The following EPHA6 variants were observed in gnomAD, a reference collection of about 807,000 sequenced individuals.
EPHA6 encodes EPH receptor A6.
In EPHA6, 50 loss-of-function variants were observed where a neutral mutation model predicts 112.0. That is an observed-to-expected ratio of 0.45 (90% CI 0.36 to 0.56). The LOEUF is 0.56. EPHA6 is among the 20% of genes least tolerant of loss of function. EPHA6 has a pLI of 0.00. For synonymous variants in EPHA6, 529 were observed against 490.7 expected, an observed-to-expected ratio of 1.08 and a Z score of -1.03; for missense variants, 1,280 against 1,417.4, an observed-to-expected ratio of 0.90 and a Z score of 1.56.
intron 13 of EPHA6, among the ~76,000 whole-genome samples, chr3:97,621,503 C>A (rs148137381): frequency 6.6e-6 from 1 of 151,934 alleles, no homozygotes; most frequent in East Asian, 1.9e-4. Context: ...GTGGAAAAAT[C>A]TTGGCTAAAG....
chr3:97,694,278 G>A (rs566816675), intron 14 of EPHA6, among the ~76,000 whole-genome samples: 26 of 150,588 alleles, frequency 1.7e-4, no homozygotes, highest in Admixed American at 1.1e-3. Flanking sequence ...AGTTGTTGGC[G>A]TGGGCTGGAA....
chr3:96,969,417 C>T (rs146911101), intron 2 of EPHA6, among the ~76,000 whole-genome samples: 1 of 151,840 alleles, frequency 6.6e-6, no homozygotes. Flanking sequence ...ATTCTGATGT[C>T]AAGCAAGCTT....
At chr3:97,205,431 T>A (rs2077690280) in intron 3 of EPHA6, among the ~76,000 whole-genome samples, 1 of 152,014 alleles carries the variant, frequency 6.6e-6, no homozygotes, top group Non-Finnish European at 1.5e-5. Flanking sequence ...TTTTGGGAAA[T>A]GGCAATTCAT....
intron 13 of EPHA6, among the ~76,000 whole-genome samples, chr3:97,616,078 G>T (rs145200273): frequency 6.6e-6 from 1 of 152,090 alleles, no homozygotes; most frequent in Non-Finnish European, 1.5e-5. Context: ...GTTGGAACTG[G>T]CAACAGATCC....
At position 97,012,626 on chromosome 3, in the gene EPHA6, T is replaced by TGTA. The variant is rs537562009; in HGVS notation, c.1114+24633_1114+24634insGTA. 4.2e-3 allele frequency among the ~76,000 whole-genome samples: 519 copies of TGTA among 124,322 alleles called. 6 individuals carry two copies. The highest frequency in any genetic ancestry group is 0.019 in the African/African-American group (484 of 26,020). 81.6% of individuals were successfully genotyped at this position (124,322 alleles called of 152,430 possible). A position where few individuals can be genotyped will look rare whatever the true frequency, so the allele number is the denominator to read the frequency against. On this transcript the variant is annotated intron_variant, in intron 3 of 17. Transcript: ENST00000389672. ...GTGTGTGTATATATATATATATGTA[T>TGTA]TTTTTTTTTTTTTTAAAGAAACTGG...
At chr3:97,372,806 T>C (rs2085137039) in intron 5 of EPHA6, among the ~76,000 whole-genome samples, 1 of 152,152 alleles carries the variant, frequency 6.6e-6, no homozygotes, top group Admixed American at 6.6e-5. Flanking sequence ...GTTTAAGTGA[T>C]CTATCTGTAC....
chr3:97,081,489 A>G (rs1369780391), intron 3 of EPHA6, among the ~76,000 whole-genome samples: 3 of 151,902 alleles, frequency 2.0e-5, no homozygotes, highest in Non-Finnish European at 4.4e-5. Context: ...GTTTATCTCT[A>G]TTAAACTAAT....
At chr3:97,122,791 A>T (rs1380021822) in intron 3 of EPHA6, among the ~76,000 whole-genome samples, 1 of 152,034 alleles carries the variant, frequency 6.6e-6, no homozygotes, top group East Asian at 1.9e-4. Flanking sequence ...CCATAACCTA[A>T]TTATATGATT....
chr3:97,407,712 C>A (rs1469711858), intron 6 of EPHA6, among the ~76,000 whole-genome samples: 1 of 151,870 alleles, frequency 6.6e-6, no homozygotes. Flanking sequence ...AGAAAAGTTA[C>A]AAAACTTTTT....
At chr3:97,550,112 G>A (rs1028364250) in intron 11 of EPHA6, among the ~76,000 whole-genome samples, 7 of 152,180 alleles carry the variant, frequency 4.6e-5, no homozygotes, top group Non-Finnish European at 8.8e-5. Context: ...ATCTGTAGGA[G>A]GCCAAGTCAA....
Position 97,565,921 on chromosome 3 carries a change from G to A in EPHA6, c.2387-26691G>A, listed in dbSNP as rs548675730. ...AGTCCCAGCTACATGGGAGGCTGAG[G>A]CAGGAGAATTGCTTGAACTCGGGAG... On this transcript the variant is annotated intron_variant, in intron 11 of 17. Coordinates refer to ENST00000389672, the MANE Select transcript of EPHA6 (RefSeq NM_001080448.3). 2.8e-3 allele frequency among the ~76,000 whole-genome samples: 424 copies of A among 151,490 alleles called. 1 individual carries two copies. Among genetic ancestry groups the A allele is most frequent in the Non-Finnish European group, 3.5e-3 (237 of 67,928 alleles).
At chr3:97,514,674 AG>A (rs1394810860) in intron 10 of EPHA6, among the ~76,000 whole-genome samples, 1 of 152,124 alleles carries the variant, frequency 6.6e-6, no homozygotes, top group African/African-American at 2.4e-5. Flanking sequence ...TAGGATTTTG[AG>A]GAAGTAATTA....
intron 2 of EPHA6, among the ~76,000 whole-genome samples, chr3:96,950,537 G>A (rs1239683245): frequency 6.6e-6 from 1 of 151,978 alleles, no homozygotes; most frequent in Non-Finnish European, 1.5e-5. Context: ...TCACTGTATT[G>A]GATTTTTAAA....
chr3:97,197,740 G>T (rs1274445740), intron 3 of EPHA6, among the ~76,000 whole-genome samples: 4 of 151,992 alleles, frequency 2.6e-5, no homozygotes, highest in Non-Finnish European at 5.9e-5. Context: ...ACAGCGCCAA[G>T]ACTTGCCCAG....
chr3:97,240,287 A>G (rs1278049084), intron 4 of EPHA6, among the ~76,000 whole-genome samples: 1 of 151,870 alleles, frequency 6.6e-6, no homozygotes, highest in African/African-American at 2.4e-5. Flanking sequence ...TCTTTAACCC[A>G]GATTAGCATA....
intron 11 of EPHA6, among the ~76,000 whole-genome samples, chr3:97,558,580 C>A (rs951880818): frequency 1.3e-5 from 2 of 151,934 alleles, no homozygotes; most frequent in Admixed American, 1.3e-4. Flanking sequence ...ATATAATTGT[C>A]TCTATGCATG....
chr3:97,558,209 G>T (rs774823605), intron 11 of EPHA6, among the ~76,000 whole-genome samples: 2 of 152,030 alleles, frequency 1.3e-5, no homozygotes, highest in Non-Finnish European at 2.9e-5. Flanking sequence ...TGAGGTGGAT[G>T]GAAGATCCTT....
chr3:97,466,328 G>C lies in EPHA6; in HGVS notation c.1895-9024G>C, dbSNP rs1011698517. ...AAACAATGAGAAGTAACTATACCTA[G>C]TTTGGATATATAAAGTCCTGCATCG... is the stretch of plus-strand genomic sequence containing the variant. On this transcript the variant is annotated intron_variant, in intron 7 of 17. Coordinates refer to ENST00000389672, the MANE Select transcript of EPHA6 (RefSeq NM_001080448.3). The C allele has an allele frequency of 3.8e-6, 6 of 1,581,462 alleles. No individual in the cohort carries two copies. The African/African-American group carries it at 6.8e-5, about 18-fold the overall frequency.
intron 3 of EPHA6, among the ~76,000 whole-genome samples, chr3:97,049,344 T>C (rs932390791): frequency 8.5e-5 from 13 of 152,190 alleles, no homozygotes; most frequent in Non-Finnish European, 1.5e-4. Flanking sequence ...AAGAAGCACC[T>C]GAGAACAGTG....
Sources: allele counts gnomAD v4.1 joint callset (sites outside exome capture counted in the v4.1 genomes callset), GRCh38; gene constraint gnomAD v4.1.1; transcripts MANE v1.5; gene names NCBI Gene and HGNC (gene_info 2026-07-23, HGNC 2026-07-21).